Variants in ACAA2 observed in about 807,000 individuals in gnomAD.
ACAA2 encodes the protein acetyl-CoA acyltransferase 2.
Under a neutral mutation model 44.8 loss-of-function variants are expected in ACAA2, and 35 were observed. The ratio of observed to expected loss-of-function variants is 0.78; its 90% CI spans 0.60 to 1.04. The LOEUF is 1.04. Among genes scored for constraint, ACAA2 ranks in the 50% least tolerant of loss-of-function variants. The pLI, the probability that ACAA2 is intolerant of heterozygous loss-of-function variation, is 0.00. For synonymous variants in ACAA2, 142 were observed against 166.5 expected (o/e 0.85, Z 1.13); for missense variants, 468 against 482.6 (o/e 0.97, Z 0.28).
chr18:49,803,748 G>A (rs145748090), intron 1 of ACAA2, among the ~76,000 whole-genome samples: 79 of 152,172 alleles, frequency 5.2e-4, no homozygotes, highest in African/African-American at 1.8e-3. Flanking sequence ...AGGTGCCTTA[G>A]GGTTGTCTGA....
At chr18:49,812,876 C>T (rs1283708097) in intron 1 of ACAA2, 1 of 152,236 alleles carries the variant, frequency 6.6e-6, no homozygotes, top group African/African-American at 2.4e-5. Context: ...TGACTGTGCC[C>T]ACTTGTTTTG....
chr18:49,799,230 C>T (rs2212989), intron 2 of ACAA2, among the ~76,000 whole-genome samples: 78,997 of 151,820 alleles, frequency 0.52, 21,159 homozygotes, highest in Middle Eastern at 0.69. Context: ...CCCCCTCCTC[C>T]TCCCCCTCTC....
At chr18:49,797,829 T>C (rs1391587585) in intron 2 of ACAA2, among the ~76,000 whole-genome samples, 3 of 152,132 alleles carry the variant, frequency 2.0e-5, no homozygotes, top group Admixed American at 6.5e-5. Context: ...AAAATACACA[T>C]AACAAAATGT....
chr18:49,787,624 C>T (rs1240523996), intron 7 of ACAA2, among the ~76,000 whole-genome samples: 1 of 151,598 alleles, frequency 6.6e-6, no homozygotes, highest in East Asian at 1.9e-4. Context: ...TCCTGGGCAA[C>T]ACAGCAAGAC....
At chr18:49,801,557 A>G (rs2023547886) in intron 2 of ACAA2, among the ~76,000 whole-genome samples, 2 of 152,056 alleles carry the variant, frequency 1.3e-5, no homozygotes, top group Admixed American at 6.5e-5. Context: ...TTTAGGTTCA[A>G]CAGACATAAC....
chr18:49,799,003 T>G (rs1342910440), intron 2 of ACAA2, among the ~76,000 whole-genome samples: 1 of 152,212 alleles, frequency 6.6e-6, no homozygotes, highest in African/African-American at 2.4e-5. Flanking sequence ...CTAATTGAGT[T>G]TAATATTATT....
intron 8 of ACAA2, 32 bp downstream of exon 8, chr18:49,787,259 T>TTA: frequency 3.1e-6 from 3 of 978,234 alleles, no homozygotes; most frequent in South Asian, 4.8e-5. Context: ...ATTCATGTTG[T>TTA]TAAAAAAAAA....
chr18:49,797,865 T>TA (rs2143963442), intron 2 of ACAA2, among the ~76,000 whole-genome samples: 1 of 152,328 alleles, frequency 6.6e-6, no homozygotes, highest in Admixed American at 6.5e-5. Flanking sequence ...TTTAAGTGTA[T>TA]AGTTCAATGG....
At chr18:49,793,178 G>A (rs2023425860) in intron 5 of ACAA2, among the ~76,000 whole-genome samples, 1 of 152,114 alleles carries the variant, frequency 6.6e-6, no homozygotes. Flanking sequence ...GAAATTATGG[G>A]AGCAATCACT....
chr18:49,812,022 CT>C (rs1568592831), intron 1 of ACAA2, among the ~76,000 whole-genome samples: 1 of 151,990 alleles, frequency 6.6e-6, no homozygotes, highest in South Asian at 2.1e-4. Flanking sequence ...ATATTATTTC[CT>C]TTTTTAGAAG....
chr18:49,803,574 G>A (rs1039936140), intron 1 of ACAA2, among the ~76,000 whole-genome samples: 2 of 152,312 alleles, frequency 1.3e-5, no homozygotes, highest in African/African-American at 2.4e-5. Context: ...AGTTTTGACT[G>A]TGGCTCGTCC....
intron 1 of ACAA2, among the ~76,000 whole-genome samples, chr18:49,809,422 T>G (rs879434417): frequency 1.3e-5 from 2 of 152,242 alleles, no homozygotes; most frequent in African/African-American, 2.4e-5. Context: ...ACAATTTATG[T>G]TCCTCTGCCA....
At chr18:49,786,939 A>AG (rs2023337314) in intron 8 of ACAA2, among the ~76,000 whole-genome samples, 1 of 152,170 alleles carries the variant, frequency 6.6e-6, no homozygotes, top group African/African-American at 2.4e-5. Context: ...CTTTTCTATT[A>AG]TGTCAATTAT....
At chr18:49,789,159 ATTCTT>A (rs1297025983) in intron 7 of ACAA2, among the ~76,000 whole-genome samples, 1 of 152,114 alleles carries the variant, frequency 6.6e-6, no homozygotes, top group Non-Finnish European at 1.5e-5. Context: ...AACCAGTACT[ATTCTT>A]TTCAAGTCAT....
chr18:49,801,812 A>ATATATATATATCTATC (rs1347357878), intron 2 of ACAA2, among the ~76,000 whole-genome samples: 1 of 143,312 alleles, frequency 7.0e-6, no homozygotes, highest in African/African-American at 2.6e-5. Flanking sequence ...ATATATATAT[A>ATATATATATATCTATC]TATCTTATCT....
chr18:49,808,185 T>A (rs1269524932), intron 1 of ACAA2, among the ~76,000 whole-genome samples: 1 of 152,126 alleles, frequency 6.6e-6, no homozygotes, highest in Non-Finnish European at 1.5e-5. Flanking sequence ...AAGGCTAAAA[T>A]CCCAAACACT....
chr18:49,783,475 A>T lies in ACAA2; in HGVS notation c.*372T>A, dbSNP rs540139152. 1 of 166,428 alleles carries T rather than the reference A, an allele frequency of 6.0e-6. No homozygotes were observed. The highest frequency in any genetic ancestry group is 1.3e-5 in the Non-Finnish European group (1 of 76,112). The allele number at this position is 166,428 out of a possible 1,614,324, so 10.3% of individuals were successfully genotyped here. On this transcript the variant is annotated 3_prime_UTR_variant, in exon 10 of 10. Coordinates refer to ENST00000285093, the MANE Select transcript of ACAA2 (RefSeq NM_006111.3). ...TATCTTATCACAATTTAAAATTTTTAAAAATATAAATGACAGGAAAATATT... is the reference window on the plus strand; with the variant it reads ...TATCTTATCACAATTTAAAATTTTTTAAAATATAAATGACAGGAAAATATT...
chr18:49,810,813 A>C (rs1219135503), intron 1 of ACAA2, among the ~76,000 whole-genome samples: 1 of 151,732 alleles, frequency 6.6e-6, no homozygotes, highest in Non-Finnish European at 1.5e-5. Context: ...CAGCCTCCCG[A>C]GTAGCTGGGA....
chr18:49,800,706 T>C (rs959873828), intron 2 of ACAA2, among the ~76,000 whole-genome samples: 5 of 152,046 alleles, frequency 3.3e-5, no homozygotes, highest in African/African-American at 9.7e-5. Flanking sequence ...GCAGCATGCT[T>C]GTTAAGAGTC....
Sources: gnomAD v4.1 joint callset for allele counts (sites outside exome capture counted in the v4.1 genomes callset) on GRCh38, gnomAD v4.1.1 for gene constraint, MANE v1.5 for transcripts, NCBI Gene and HGNC (gene_info 2026-07-23, HGNC 2026-07-21) for gene names.